The following SRPK2 variants were observed in gnomAD, a reference collection of about 807,000 sequenced individuals.
SRPK2 encodes SRSF protein kinase 2.
In SRPK2, 21 loss-of-function variants were observed where a neutral mutation model predicts 90.8. The observed-to-expected ratio is 0.23, with a 90% CI of 0.16 to 0.33. The LOEUF (loss-of-function observed/expected upper bound fraction) is 0.33. Ranked by LOEUF, SRPK2 falls within the 10% of genes least tolerant of loss-of-function variation. The pLI is 1.00. For missense variants in SRPK2, 620 were observed against 869.0 expected (o/e 0.71, Z 3.60); for synonymous variants, 288 against 311.1 (o/e 0.93, Z 0.78).
chr7:105,347,867 AAAAAG>A (rs1816655944), intron 2 of SRPK2, among the ~76,000 whole-genome samples: 1 of 151,822 alleles, frequency 6.6e-6, no homozygotes, highest in African/African-American at 2.4e-5. Flanking sequence ...AAAAAAAAAA[AAAAAG>A]AAAGAAAAGC....
intron 6 of SRPK2, among the ~76,000 whole-genome samples, chr7:105,161,184 C>A (rs1258139613): frequency 6.6e-6 from 1 of 152,158 alleles, no homozygotes; most frequent in Non-Finnish European, 1.5e-5. Context: ...CTTGGGCTCC[C>A]AAAGTGCTGG....
intron 2 of SRPK2, among the ~76,000 whole-genome samples, chr7:105,245,313 A>G (rs1801493667): frequency 6.6e-6 from 1 of 152,164 alleles, no homozygotes; most frequent in African/African-American, 2.4e-5. Context: ...GGCAGCGTGC[A>G]GGGGACATGG....
At chr7:105,122,974 T>G (rs1296909173) in intron 15 of SRPK2, among the ~76,000 whole-genome samples, 1 of 152,036 alleles carries the variant, frequency 6.6e-6, no homozygotes, top group Non-Finnish European at 1.5e-5. Flanking sequence ...TCAGAAAAAT[T>G]CCTGGTGACC....
At chr7:105,273,416 T>C (rs1380002847) in intron 2 of SRPK2, among the ~76,000 whole-genome samples, 4 of 141,502 alleles carry the variant, frequency 2.8e-5, no homozygotes, top group East Asian at 3.9e-4. Context: ...ACTCGTTTTT[T>C]CTTTTTCTTT....
At chr7:105,381,007 C>T (rs4610671) in intron 2 of SRPK2, among the ~76,000 whole-genome samples, 27,942 of 148,304 alleles carry the variant, frequency 0.19, 3,308 homozygotes, top group East Asian at 0.58. Flanking sequence ...GACTGTAATC[C>T]CAGCATTTTG....
At chr7:105,379,552 G>A (rs1239040661) in intron 2 of SRPK2, among the ~76,000 whole-genome samples, 1 of 152,174 alleles carries the variant, frequency 6.6e-6, no homozygotes, top group Non-Finnish European at 1.5e-5. Flanking sequence ...GTTGCTCCTA[G>A]GTGGTAGAGT....
chr7:105,363,919 C>A (rs1818721194), intron 2 of SRPK2, among the ~76,000 whole-genome samples: 1 of 151,222 alleles, frequency 6.6e-6, no homozygotes, highest in African/African-American at 2.4e-5. Context: ...TCATTCTCAG[C>A]AAACTATCAC....
At chr7:105,300,798 A>T (rs1208209397) in intron 2 of SRPK2, among the ~76,000 whole-genome samples, 1 of 152,232 alleles carries the variant, frequency 6.6e-6, no homozygotes, top group Non-Finnish European at 1.5e-5. Context: ...AAAAAATGCA[A>T]ATCAAAACCA....
At chr7:105,344,024 A>C (rs1816151390) in intron 2 of SRPK2, among the ~76,000 whole-genome samples, 1 of 152,164 alleles carries the variant, frequency 6.6e-6, no homozygotes, top group Non-Finnish European at 1.5e-5. Context: ...TCAGCCTCCC[A>C]AAGTGCTGGG....
At chr7:105,127,204 T>C in intron 13 of SRPK2, 142 bp from the exon 14 acceptor site, 1 of 658,342 alleles carries the variant, frequency 1.5e-6, no homozygotes, top group Non-Finnish European at 2.6e-6. Context: ...AATACTAATT[T>C]TTTTCTTTCT....
chr7:105,176,723 GTGTA>G (rs368315972), intron 3 of SRPK2, among the ~76,000 whole-genome samples: 57 of 68,632 alleles, frequency 8.3e-4, no homozygotes, highest in South Asian at 2.3e-3. Flanking sequence ...GTGTGTGTGT[GTGTA>G]TGTATGTATG....
chr7:105,376,406 A>G (rs569359379), intron 2 of SRPK2, among the ~76,000 whole-genome samples: 11 of 151,720 alleles, frequency 7.3e-5, no homozygotes, highest in Admixed American at 3.9e-4. Flanking sequence ...TCCCATCCCT[A>G]TCCATTGAAA....
chr7:105,205,496 T>TTCTC lies in SRPK2; in HGVS notation c.72-1715_72-1712dup, dbSNP rs57970307. Among the ~76,000 whole-genome samples the TTCTC allele has an allele frequency of 2.3e-3, 312 of 137,738 alleles. 1 individual carries two copies. Among genetic ancestry groups the TTCTC allele is most frequent in the African/African-American group, 8.1e-3 (281 of 34,552 alleles). 90.4% of individuals were successfully genotyped at this position (137,738 alleles called of 152,430 possible). ...GAGCCCTGAAAGAGAATAATATTCA[T>TTCTC]TCTCTCTCTCTCTCTCTCTCTCACA... On this transcript the variant is annotated intron_variant, in intron 2 of 15. Coordinates refer to ENST00000393651, the MANE Select transcript of SRPK2 (RefSeq NM_182692.3).
At chr7:105,170,843 GAA>G (rs534768227) in intron 3 of SRPK2, among the ~76,000 whole-genome samples, 5 of 10,016 alleles carry the variant, frequency 5.0e-4, no homozygotes, top group Admixed American at 1.3e-3. Flanking sequence ...AAGGAAGAAA[GAA>G]AGAAAGAAAG....
At chr7:105,278,314 C>CAAAAAAA (rs34389951) in intron 2 of SRPK2, among the ~76,000 whole-genome samples, 1 of 104,090 alleles carries the variant, frequency 9.6e-6, no homozygotes. Flanking sequence ...GATTCTGTCT[C>CAAAAAAA]AAAAAAAAAA....
chr7:105,200,604 T>C (rs188291627), intron 3 of SRPK2, among the ~76,000 whole-genome samples: 1 of 152,196 alleles, frequency 6.6e-6, no homozygotes, highest in Admixed American at 6.5e-5. Flanking sequence ...AGAACAGCTG[T>C]CAGGGATATC....
At chr7:105,356,339 C>A (rs1817782245) in intron 2 of SRPK2, among the ~76,000 whole-genome samples, 1 of 152,032 alleles carries the variant, frequency 6.6e-6, no homozygotes, top group African/African-American at 2.4e-5. Context: ...TAGAGAGAAA[C>A]CCAAACAATG....
At chr7:105,382,981 T>C (rs1405258335) in intron 2 of SRPK2, among the ~76,000 whole-genome samples, 2 of 149,280 alleles carry the variant, frequency 1.3e-5, no homozygotes, top group Non-Finnish European at 3.0e-5. Context: ...GGAAGTTGAA[T>C]AAAGAGTACA....
intron 2 of SRPK2, among the ~76,000 whole-genome samples, chr7:105,210,255 TAAAG>T (rs1471696172): frequency 1.3e-5 from 2 of 152,184 alleles, no homozygotes; most frequent in Non-Finnish European, 1.5e-5. Flanking sequence ...TAATCAAACA[TAAAG>T]AAAAGGAGCT....
Sources: gnomAD v4.1 joint callset for allele counts (sites outside exome capture counted in the v4.1 genomes callset) on GRCh38, gnomAD v4.1.1 for gene constraint, MANE v1.5 for transcripts, NCBI Gene and HGNC (gene_info 2026-07-23, HGNC 2026-07-21) for gene names.